The following SMG7 variants were observed in gnomAD, a reference collection of about 807,000 sequenced individuals.
The protein encoded by SMG7 is nonsense-mediated mRNA decay factor SMG7.
A neutral mutation model predicts 148.2 loss-of-function variants in SMG7; 34 were observed. That is an observed-to-expected ratio of 0.23 (90% confidence interval 0.17 to 0.31). The LOEUF (loss-of-function observed/expected upper bound fraction) is 0.31. Ranked by LOEUF, SMG7 falls within the 10% of genes least tolerant of loss-of-function variation. The pLI is 1.00. For synonymous variants in SMG7, 492 were observed against 515.1 expected, an observed-to-expected ratio of 0.96 and a Z score of 0.61; for missense variants, 1,114 against 1,408.4, an observed-to-expected ratio of 0.79 and a Z score of 3.35.
At chr1:183,537,627 C>T (rs1246411551) in intron 11 of SMG7, among the ~76,000 whole-genome samples, 2 of 152,190 alleles carry the variant, frequency 1.3e-5, no homozygotes, top group African/African-American at 2.4e-5. Flanking sequence ...ATATCTTCTT[C>T]GGGCCTTTTT....
At position 183,537,220 on chromosome 1, in the gene SMG7, G is replaced by A. The variant is rs1483731420; in HGVS notation, c.1234+5G>A. The A allele has an allele frequency of 1.9e-6, 3 of 1,600,370 alleles. No homozygotes were observed. The Admixed American group carries it at 5.0e-5, about 27-fold the overall frequency. On this transcript the variant is annotated splice_donor_5th_base_variant and intron_variant, in intron 11 of 22. Coordinates refer to ENST00000688051, the MANE Select transcript of SMG7 (RefSeq NM_001375584.1). ...AGGACCTCTCAAGTATTAGTGGTAA[G>A]GGCTACCCTAACCTTGTGTTGTTGA...
At chr1:183,492,165 A>T (rs1657206108) in intron 1 of SMG7, among the ~76,000 whole-genome samples, 1 of 152,182 alleles carries the variant, frequency 6.6e-6, no homozygotes, top group Admixed American at 6.5e-5. Context: ...GAAATAGATT[A>T]AGTCTGTGAT....
At chr1:183,503,757 G>T (rs1290402428) in intron 1 of SMG7, among the ~76,000 whole-genome samples, 1 of 152,116 alleles carries the variant, frequency 6.6e-6, no homozygotes, top group African/African-American at 2.4e-5. Context: ...GATCATTTAG[G>T]TTCTTTTATA....
At chr1:183,487,892 A>G (rs1022583669) in intron 1 of SMG7, among the ~76,000 whole-genome samples, 2 of 152,246 alleles carry the variant, frequency 1.3e-5, no homozygotes, top group African/African-American at 4.8e-5. Flanking sequence ...GCTGGGCTTG[A>G]ATACCAACCA....
At chr1:183,522,786 T>C (rs892604259) in intron 4 of SMG7, among the ~76,000 whole-genome samples, 2 of 151,894 alleles carry the variant, frequency 1.3e-5, no homozygotes, top group African/African-American at 4.8e-5. Context: ...TTTTTGTTTT[T>C]TTTTTTTAAA....
rs371660404 is a variant in SMG7 at position 183,526,585 on chromosome 1, T to G, written c.313-11T>G. 1.3e-5 allele frequency: 21 copies of G among 1,587,264 alleles called. No homozygotes were observed. In the African/African-American group the frequency reaches 2.6e-4, roughly 19 times the overall value. ...TGACTTACTACTAAATTTTGTTTGT[T>G]TTTCTTTTAGTTATTACAAGAACTG... On this transcript the variant is annotated splice_polypyrimidine_tract_variant and intron_variant, in intron 4 of 22. Transcript: ENST00000688051.
At chr1:183,541,510 A>G (rs1441076131) in intron 13 of SMG7, among the ~76,000 whole-genome samples, 5 of 152,226 alleles carry the variant, frequency 3.3e-5, no homozygotes, top group African/African-American at 1.2e-4. Flanking sequence ...TACAAAGCAG[A>G]TGTGGTCGTT....
At chr1:183,524,193 C>T (rs752429086) in intron 4 of SMG7, among the ~76,000 whole-genome samples, 3 of 152,034 alleles carry the variant, frequency 2.0e-5, no homozygotes, top group Non-Finnish European at 2.9e-5. Flanking sequence ...GTGAGCCTCC[C>T]GCCTCACCCT....
chr1:183,507,706 A>G (rs939743577), intron 1 of SMG7, among the ~76,000 whole-genome samples: 2 of 152,134 alleles, frequency 1.3e-5, no homozygotes, highest in Non-Finnish European at 2.9e-5. Flanking sequence ...TACCTATACT[A>G]CCTCTTCTGT....
rs902355767 is a variant in SMG7, at chr1:183,477,476, A to G, written c.29+4827A>G. Reference sequence around the variant, plus strand: ...CATGTGTGCATATGTGTATATATGCATATATACACGTGTGTGCATATGTGT... The same window carrying G: ...CATGTGTGCATATGTGTATATATGCGTATATACACGTGTGTGCATATGTGT... On this transcript the variant is annotated intron_variant, in intron 1 of 22. Coordinates refer to ENST00000688051, the MANE Select transcript of SMG7 (RefSeq NM_001375584.1). Among the ~76,000 whole-genome samples the G allele has an allele frequency of 2.6e-5, 4 of 151,358 alleles. No homozygotes were observed. In the East Asian group the frequency reaches 7.8e-4, roughly 29 times the overall value.
intron 12 of SMG7, among the ~76,000 whole-genome samples, chr1:183,539,707 T>C (rs1261263914): frequency 6.6e-6 from 1 of 152,234 alleles, no homozygotes; most frequent in Non-Finnish European, 1.5e-5. Context: ...ATGACCAAGC[T>C]AGAAATCTGA....
chr1:183,548,872 T>G, intron 18 of SMG7: 1 of 287,180 alleles, frequency 3.5e-6, no homozygotes, highest in Non-Finnish European at 6.6e-6. Flanking sequence ...CAGTTCAGCA[T>G]TTTGTTTTGA....
chr1:183,490,687 T>C (rs1470133886), intron 1 of SMG7, among the ~76,000 whole-genome samples: 1 of 152,182 alleles, frequency 6.6e-6, no homozygotes, highest in Non-Finnish European at 1.5e-5. Flanking sequence ...TGTAATAAAA[T>C]ATATTTATTT....
Position 183,472,701 on chromosome 1 carries a change from G to C in SMG7, c.29+52G>C, listed in dbSNP as rs376837579. ...TAGGGGGAGCGGGCCGCAGGTTGGG[G>C]CATGGAGCAACAGACACCGAGGTAA... On this transcript the variant is annotated intron_variant, in intron 1 of 22. Transcript: ENST00000688051. 5.4e-5 allele frequency: 77 copies of C among 1,429,060 alleles called. 1 individual carries two copies. In the East Asian group the frequency reaches 1.2e-3, roughly 23 times the overall value. The allele number at this position is 1,429,060 out of a possible 1,614,324, so 88.5% of individuals were successfully genotyped here.
At chr1:183,516,357 T>C (rs1663533714) in intron 3 of SMG7, among the ~76,000 whole-genome samples, 1 of 152,230 alleles carries the variant, frequency 6.6e-6, no homozygotes, top group Admixed American at 6.5e-5. Flanking sequence ...TAGAAAAATC[T>C]TTCTTTGTTA....
In SMG7 at chr1:183,517,754, G is replaced by C; in HGVS notation, c.246G>C (p.Pro82=). 1 of 1,614,042 alleles carries C rather than the reference G, an allele frequency of 6.2e-7. No individual in the cohort carries two copies. The highest frequency in any genetic ancestry group is 8.5e-7 in the Non-Finnish European group (1 of 1,179,912). Residue 82 remains proline (P), a synonymous_variant, in exon 4 of 23, where the codon CCG becomes CCC. Transcript: ENST00000688051. ...LQGQAKNRAN[P]NRSEVQANLS... Reference sequence around the variant, plus strand: ...GCCAGGCAAAGAATCGAGCAAATCCGAATCGGAGTGAAGTTCAGGCAAACC... The same window carrying C: ...GCCAGGCAAAGAATCGAGCAAATCCCAATCGGAGTGAAGTTCAGGCAAACC...
chr1:183,498,529 G>T (rs1325452510), intron 1 of SMG7, among the ~76,000 whole-genome samples: 1 of 152,144 alleles, frequency 6.6e-6, no homozygotes, highest in African/African-American at 2.4e-5. Context: ...AAAAAACACT[G>T]TTTCTTTTTC....
In SMG7 at chr1:183,513,858, C is replaced by T. The variant is rs1241298105; in HGVS notation, c.61+990C>T. On this transcript the variant is annotated intron_variant, in intron 2 of 22. Transcript: ENST00000688051. ...CAGTCTGGCCAACATAGTGAAACCCCGTCTGTATTAAAAATACAAAAATTA... is the reference window on the plus strand; with the variant it reads ...CAGTCTGGCCAACATAGTGAAACCCTGTCTGTATTAAAAATACAAAAATTA... 3.3e-5 allele frequency among the ~76,000 whole-genome samples: 5 copies of T among 151,708 alleles called. No individual in the cohort carries two copies. In the East Asian group the frequency reaches 7.9e-4, roughly 24 times the overall value.
rs926155457 is a variant in SMG7, at chr1:183,552,838, T to C, written c.*907T>C. On this transcript the variant is annotated 3_prime_UTR_variant, in exon 23 of 23. Transcript: ENST00000688051. ...TAATAGGTAGAAGCTTTCAGTGTGG[T>C]TATTTTTTCTTTGGTTGGTTTTTGT... 4 of 1,433,278 alleles carry C rather than the reference T, an allele frequency of 2.8e-6. No homozygotes were observed. Among genetic ancestry groups the C allele is most frequent in the Non-Finnish European group, 3.6e-6 (4 of 1,098,250 alleles). 88.8% of individuals were successfully genotyped at this position (1,433,278 alleles called of 1,614,324 possible).
Sources: gnomAD v4.1 joint callset for allele counts (sites outside exome capture counted in the v4.1 genomes callset) on GRCh38, gnomAD v4.1.1 for gene constraint, MANE v1.5 for transcripts, NCBI Gene and HGNC (gene_info 2026-07-23, HGNC 2026-07-21) for gene names.